ANK1: variants seen among roughly 807,000 people sequenced by gnomAD.
The protein encoded by ANK1 is ankyrin 1.
Under a neutral mutation model 210.4 loss-of-function variants are expected in ANK1, and 51 were observed. The observed-to-expected ratio is 0.24, with a 90% CI of 0.19 to 0.31. The LOEUF is 0.31. Among genes scored for constraint, ANK1 ranks in the 10% least tolerant of loss-of-function variants. The pLI is 1.00. For missense variants in ANK1, 2,051 were observed against 2,504.4 expected (o/e 0.82, Z 3.86); for synonymous variants, 967 against 1,025.9 (o/e 0.94, Z 1.10).
chr8:41,738,657 A>G (rs1458002755), intron 2 of ANK1, among the ~76,000 whole-genome samples: 1 of 152,256 alleles, frequency 6.6e-6, no homozygotes, highest in Admixed American at 6.5e-5. Context: ...AGCTGTAAGT[A>G]TGGACAGAGA....
intron 22 of ANK1, chr8:41,700,499 A>T (rs1310080379): frequency 1.9e-6 from 3 of 1,593,610 alleles, no homozygotes; most frequent in African/African-American, 2.7e-5. Context: ...ACCACATTGA[A>T]GGCAGTTAAA....
intron 2 of ANK1, among the ~76,000 whole-genome samples, chr8:41,757,731 C>T (rs1839490298): frequency 6.6e-6 from 1 of 152,220 alleles, no homozygotes; most frequent in Non-Finnish European, 1.5e-5. Context: ...TTCCTCCTGC[C>T]CCAATTCAAA....
chr8:41,880,736 C>A (rs952623229), intron 1 of ANK1, among the ~76,000 whole-genome samples: 1 of 152,234 alleles, frequency 6.6e-6, no homozygotes, highest in Non-Finnish European at 1.5e-5. Context: ...TTCCTTGCAC[C>A]AGGTCCCAGA....
chr8:41,841,531 G>C (rs148548162), intron 1 of ANK1, among the ~76,000 whole-genome samples: 21 of 152,254 alleles, frequency 1.4e-4, no homozygotes, highest in Non-Finnish European at 2.6e-4. Context: ...TGACTCCCCG[G>C]CTAAGTGTTC....
intron 37 of ANK1, 171 bp downstream of exon 37, chr8:41,684,373 C>T (rs1032027800): frequency 4.6e-6 from 5 of 1,097,186 alleles, no homozygotes; most frequent in Non-Finnish European, 4.1e-6. Context: ...CTCTCTCCTT[C>T]GCCTCTGCTT....
rs1484460670 is a variant in ANK1 at position 41,886,365 on chromosome 8, C to G, written c.126+9990G>C. 2.6e-5 allele frequency among the ~76,000 whole-genome samples: 4 copies of G among 152,326 alleles called. No homozygotes were observed. The East Asian group carries it at 7.7e-4, about 29-fold the overall frequency. ...TGTGGGGTGGGTATTATTCTCTCCACCTTACAATTGACAAAATTGAGACTC... is the reference window on the plus strand; with the variant it reads ...TGTGGGGTGGGTATTATTCTCTCCAGCTTACAATTGACAAAATTGAGACTC... On this transcript the variant is annotated intron_variant, in intron 1 of 42. Coordinates refer to the ANK1 transcript ENST00000265709.
intron 1 of ANK1, among the ~76,000 whole-genome samples, chr8:41,864,747 A>G (rs1193968534): frequency 1.3e-5 from 2 of 152,246 alleles, no homozygotes; most frequent in Non-Finnish European, 2.9e-5. Context: ...GTCGTCACTC[A>G]TGGAACCACG....
intron 2 of ANK1, among the ~76,000 whole-genome samples, chr8:41,750,235 A>G (rs1837351355): frequency 6.6e-6 from 1 of 152,176 alleles, no homozygotes; most frequent in African/African-American, 2.4e-5. Context: ...AGGGCTTCCT[A>G]ATGCACATGT....
chr8:41,835,811 A>G (rs1032989500), intron 1 of ANK1, among the ~76,000 whole-genome samples: 1 of 152,262 alleles, frequency 6.6e-6, no homozygotes, highest in South Asian at 2.1e-4. Flanking sequence ...CAGCCTACAC[A>G]ATGGCCCAGA....
At chr8:41,753,573 G>A (rs1265333952) in intron 2 of ANK1, among the ~76,000 whole-genome samples, 1 of 152,132 alleles carries the variant, frequency 6.6e-6, no homozygotes, top group Non-Finnish European at 1.5e-5. Context: ...GGGGGTACCT[G>A]TGCAGGTTTG....
chr8:41,827,919 C>T (rs1805757259), intron 1 of ANK1, among the ~76,000 whole-genome samples: 1 of 152,300 alleles, frequency 6.6e-6, no homozygotes, highest in Admixed American at 6.5e-5. Flanking sequence ...TGCACACACC[C>T]ACATACACAC....
chr8:41,761,256 TAC>T (rs1206802415), intron 1 of ANK1, among the ~76,000 whole-genome samples: 2 of 149,566 alleles, frequency 1.3e-5, no homozygotes, highest in South Asian at 2.1e-4. Context: ...TACACACCCA[TAC>T]ACAGACGTGT....
intron 1 of ANK1, among the ~76,000 whole-genome samples, chr8:41,809,824 A>T (rs1331967185): frequency 6.6e-6 from 1 of 152,240 alleles, no homozygotes; most frequent in Non-Finnish European, 1.5e-5. Context: ...TGCACTGCCC[A>T]TGATCCTACA....
At chr8:41,744,572 T>A (rs964486017) in intron 2 of ANK1, among the ~76,000 whole-genome samples, 1 of 148,820 alleles carries the variant, frequency 6.7e-6, no homozygotes, top group African/African-American at 2.5e-5. Flanking sequence ...AGTCTTGCTC[T>A]ATTGCCCAGG....
intron 1 of ANK1, among the ~76,000 whole-genome samples, chr8:41,783,748 C>A (rs1379502205): frequency 1.3e-5 from 2 of 152,120 alleles, no homozygotes; most frequent in Non-Finnish European, 2.9e-5. Flanking sequence ...TACAGAGTCA[C>A]AAACCAAGGA....
chr8:41,730,362 TG>T (rs1300772666), intron 3 of ANK1, among the ~76,000 whole-genome samples: 3 of 151,996 alleles, frequency 2.0e-5, no homozygotes, highest in African/African-American at 7.3e-5. Flanking sequence ...CCTGGCACTT[TG>T]GGAGGCCAAG....
At chr8:41,807,339 C>A (rs1479380930) in intron 1 of ANK1, among the ~76,000 whole-genome samples, 1 of 152,212 alleles carries the variant, frequency 6.6e-6, no homozygotes, top group Non-Finnish European at 1.5e-5. Flanking sequence ...TCATGCTTAA[C>A]CATGACACTA....
Position 41,703,301 on chromosome 8 carries a change from G to T in ANK1, c.2295+740C>A, listed in dbSNP as rs1038575343. 7.3e-5 allele frequency among the ~76,000 whole-genome samples: 11 copies of T among 151,256 alleles called. 1 individual carries two copies. Among genetic ancestry groups the T allele is most frequent in the Admixed American group, 6.6e-4 (10 of 15,190 alleles). On this transcript the variant is annotated intron_variant, in intron 20 of 42. Transcript: ENST00000289734. ...CCAGGACATTTAATTATGTTCAGTT[G>T]TACCATACTGAAAACAGTTTCACAT... is the stretch of plus-strand genomic sequence containing the variant.
intron 37 of ANK1, among the ~76,000 whole-genome samples, chr8:41,678,140 T>C (rs1279165331): frequency 6.6e-6 from 1 of 152,100 alleles, no homozygotes; most frequent in Non-Finnish European, 1.5e-5. Context: ...TATTTCTTTT[T>C]TTTTCTTTTT....
Sources: allele counts gnomAD v4.1 joint callset (sites outside exome capture counted in the v4.1 genomes callset), GRCh38; gene constraint gnomAD v4.1.1; transcripts MANE v1.5; gene names NCBI Gene and HGNC (gene_info 2026-07-23, HGNC 2026-07-21).